SKOR2: variants seen among roughly 807,000 people sequenced by gnomAD.
SKOR2 encodes the protein LBX1 corepressor 1-like protein.
In SKOR2, 47 loss-of-function variants were observed where a neutral mutation model predicts 69.1. That is an observed-to-expected ratio of 0.68 (90% CI 0.54 to 0.87). SKOR2 has a LOEUF of 0.87. SKOR2 is among the 40% of genes least tolerant of loss of function. SKOR2 has a pLI of 0.00. For synonymous variants in SKOR2, 717 were observed against 672.6 expected, an observed-to-expected ratio of 1.07 and a Z score of -1.02; for missense variants, 1,404 against 1,472.2, an observed-to-expected ratio of 0.95 and a Z score of 0.76.
At position 47,247,046 on chromosome 18, in the gene SKOR2, T is replaced by TGGTGCG; in HGVS notation, c.2132_2137dup (p.Pro711_His712dup). 7.1e-7 allele frequency: 1 copy of TGGTGCG among 1,400,944 alleles called. No homozygotes were observed. Among genetic ancestry groups the TGGTGCG allele is most frequent in the South Asian group, 1.3e-5 (1 of 76,474 alleles). The allele number at this position is 1,400,944 out of a possible 1,614,324, so 86.8% of individuals were successfully genotyped here. A position where few individuals can be genotyped will look rare whatever the true frequency, so the allele number is the denominator to read the frequency against. ...TCCCCCGGGAGACAGAAGGCCTCGG[T>TGGTGCG]GGTGCGGGTGCTGGGCCAGAGGGGG... On this transcript the variant is annotated inframe_insertion, in exon 2 of 9. Transcript: ENST00000425639. This position sits in a 1 kb window ranked among gnomAD's most constrained non-coding sequence, Gnocchi z 6.6.
At chr18:47,223,944 C>T (rs760686780) in intron 6 of SKOR2, among the ~76,000 whole-genome samples, 5 of 151,206 alleles carry the variant, frequency 3.3e-5, no homozygotes, top group Admixed American at 2.0e-4. Context: ...CTCACTCTGT[C>T]GCCCAGGCTG....
rs754286616 is a variant in SKOR2, at chr18:47,230,944, T to C, written c.2809A>G (p.Met937Val). The part of the protein sequence containing the change: ...PHSLKKDVEN[M>V]GKEELQKVLF... ...TGAAACTTTCATTTACCTTTCCCCA[T>C]ATTTTCTACATCCTTTTTCAGTGAA... is the stretch of plus-strand genomic sequence containing the variant. Residue 937 changes from methionine (M) to valine (V), a missense_variant, in exon 5 of 9, where the codon ATG becomes GTG. Met to Val is a conservative substitution (Grantham distance 21). This residue lies in a region of SKOR2 where 1,266 missense variants were observed against 1,309.9 expected (regional missense o/e 0.97). Coordinates refer to ENST00000425639, the MANE Select transcript of SKOR2 (RefSeq NM_001278063.4). The C allele has an allele frequency of 1.5e-5, 21 of 1,420,068 alleles. No homozygotes were observed. The highest frequency in any genetic ancestry group is 6.4e-5 in the Admixed American group (3 of 47,200). 88.0% of individuals were successfully genotyped at this position (1,420,068 alleles called of 1,614,324 possible). A position where few individuals can be genotyped will look rare whatever the true frequency, so the allele number is the denominator to read the frequency against.
intron 7 of SKOR2, among the ~76,000 whole-genome samples, chr18:47,218,810 T>C (rs575869482): frequency 1.3e-5 from 2 of 152,224 alleles, no homozygotes; most frequent in African/African-American, 4.8e-5. Context: ...AATCCTCTGC[T>C]CCCAAGTGAA....
intron 3 of SKOR2, 96 bp from the exon 4 acceptor site, chr18:47,245,078 T>C (rs1406739473): frequency 1.1e-5 from 10 of 930,658 alleles, no homozygotes; most frequent in Non-Finnish European, 1.3e-5. Flanking sequence ...AGGATGCTAC[T>C]TATTATATCT....
chr18:47,247,159 C>A lies in SKOR2; in HGVS notation c.2025G>T (p.Pro675=), dbSNP rs779322179. 37 of 800,366 alleles carry A rather than the reference C, an allele frequency of 4.6e-5. No individual in the cohort carries two copies. In the South Asian group the frequency reaches 8.1e-4, roughly 18 times the overall value. 49.6% of individuals were successfully genotyped at this position (800,366 alleles called of 1,614,324 possible). A position where few individuals can be genotyped will look rare whatever the true frequency, so the allele number is the denominator to read the frequency against. The change falls in exon 2 of 9, where the codon CCG becomes CCT. Residue 675 remains proline (P), a synonymous_variant. Transcript: ENST00000425639. This position sits in a 1 kb window ranked among gnomAD's most constrained non-coding sequence, Gnocchi z 6.6. Reference sequence around the variant, plus strand: ...CGGGCTGCGGGGGCAGCAGCAGAAGCGGCGACGGCGGCTGCGGGGGGTGGT... The same window carrying A: ...CGGGCTGCGGGGGCAGCAGCAGAAGAGGCGACGGCGGCTGCGGGGGGTGGT... ...HHHHPPQPPS[P]LLLLPPQPDE...
At chr18:47,245,615 T>A in intron 2 of SKOR2, 54 bp from the exon 3 acceptor site, 1 of 1,438,126 alleles carries the variant, frequency 7.0e-7, no homozygotes, top group Non-Finnish European at 9.2e-7. Context: ...AACCATATGC[T>A]AATGTCAACA....
chr18:47,247,078 GGGC>G lies in SKOR2; in HGVS notation c.2103_2105del (p.Pro706del), dbSNP rs753158744. ...GGTGCTGGGCCAGAGGGGGCGGCGG[GGGC>G]GGCGGCGGCGGCGGCGGCGGGGCCG... On this transcript the variant is annotated inframe_deletion, in exon 2 of 9. Coordinates refer to ENST00000425639, the MANE Select transcript of SKOR2 (RefSeq NM_001278063.4). This position sits in a 1 kb window ranked among gnomAD's most constrained non-coding sequence, Gnocchi z 6.6. 3,069 of 1,338,014 alleles carry G rather than the reference GGGC, an allele frequency of 2.3e-3. No homozygotes were observed. The highest frequency in any genetic ancestry group is 8.0e-3 in the South Asian group (450 of 56,134). The allele number at this position is 1,338,014 out of a possible 1,614,324, so 82.9% of individuals were successfully genotyped here.
chr18:47,245,818 T>C (rs934416232), intron 2 of SKOR2, among the ~76,000 whole-genome samples: 1 of 152,138 alleles, frequency 6.6e-6, no homozygotes, highest in Non-Finnish European at 1.5e-5. Flanking sequence ...CATAGGCATA[T>C]GCTTCTGTAA....
chr18:47,210,705 A>G (rs2064125253), intron 8 of SKOR2, among the ~76,000 whole-genome samples: 1 of 152,204 alleles, frequency 6.6e-6, no homozygotes, highest in Non-Finnish European at 1.5e-5. Flanking sequence ...ACTTTAATAT[A>G]TAGAACAGAG....
intron 6 of SKOR2, among the ~76,000 whole-genome samples, chr18:47,226,229 G>A (rs1000820901): frequency 6.6e-6 from 1 of 152,170 alleles, no homozygotes; most frequent in African/African-American, 2.4e-5. Context: ...GGAAAAGAGA[G>A]GAAGAAGAGA....
At chr18:47,230,893 T>G (rs1336465985) in intron 5 of SKOR2, 42 bp downstream of exon 5, 1 of 1,516,658 alleles carries the variant, frequency 6.6e-7, no homozygotes. Flanking sequence ...CACAGTCGTT[T>G]AAAGCTAAGA....
At position 47,245,956 on chromosome 18, in the gene SKOR2, C is replaced by T. The variant is rs117213636; in HGVS notation, c.2614-395G>A. Among the ~76,000 whole-genome samples, 75 of 151,764 alleles carry T rather than the reference C, an allele frequency of 4.9e-4. No homozygotes were observed. The East Asian group carries it at 0.014, about 28-fold the overall frequency. ...TGAATGTTCAGTCATTTAAATTTAA[C>T]TTTGGTCTTTTAGGGGTCCCAGGTA... On this transcript the variant is annotated intron_variant, in intron 2 of 8. Coordinates refer to ENST00000425639, the MANE Select transcript of SKOR2 (RefSeq NM_001278063.4).
Position 47,247,298 on chromosome 18 carries a change from C to G in SKOR2, c.1886G>C (p.Gly629Ala). 6.7e-7 allele frequency: 1 copy of G among 1,482,512 alleles called. No homozygotes were observed. The highest frequency in any genetic ancestry group is 8.9e-7 in the Non-Finnish European group (1 of 1,122,380). 91.8% of individuals were successfully genotyped at this position (1,482,512 alleles called of 1,614,324 possible). The change falls in exon 2 of 9, where the codon GGC (glycine) becomes GCC (alanine). Residue 629 changes from glycine to alanine, a missense_variant. By Grantham distance (60) the Gly-to-Ala change is moderately conservative. Transcript: ENST00000425639. This position sits in a 1 kb window ranked among gnomAD's most constrained non-coding sequence, Gnocchi z 6.6. ...HHSSAFRPVG[G>A]KDDAESLAKL... is the part of the protein sequence containing the mutation. Reference sequence around the variant, plus strand: ...GGCCAGGCTCTCCGCGTCGTCCTTGCCGCCCACTGGCCGGAAGGCGCTGGA... The same window carrying G: ...GGCCAGGCTCTCCGCGTCGTCCTTGGCGCCCACTGGCCGGAAGGCGCTGGA...
chr18:47,247,168 C>T lies in SKOR2; in HGVS notation c.2016G>A (p.Pro672=), dbSNP rs2064281030. The T allele has an allele frequency of 8.1e-6, 5 of 617,924 alleles. No homozygotes were observed. In the Admixed American group the frequency reaches 3.2e-4, roughly 40 times the overall value. 38.3% of individuals were successfully genotyped at this position (617,924 alleles called of 1,614,324 possible). ...GGGGCAGCAGCAGAAGCGGCGACGG[C>T]GGCTGCGGGGGGTGGTGGTGGTGGT... ...HHHHHHHPPQ[P]PSPLLLLPPQ... The change falls in exon 2 of 9, where the codon CCG becomes CCA. Residue 672 remains proline, a synonymous_variant. Coordinates refer to ENST00000425639, the MANE Select transcript of SKOR2 (RefSeq NM_001278063.4). This position sits in a 1 kb window ranked among gnomAD's most constrained non-coding sequence, Gnocchi z 6.6.
intron 7 of SKOR2, among the ~76,000 whole-genome samples, chr18:47,214,917 T>G (rs777299022): frequency 2.0e-5 from 3 of 151,642 alleles, no homozygotes; most frequent in Non-Finnish European, 2.9e-5. Context: ...GAGATTGGCA[T>G]GGAGAAAAAA....
intron 1 of SKOR2, 82 bp from the exon 2 acceptor site, chr18:47,249,312 T>G: frequency 8.1e-7 from 1 of 1,232,440 alleles, no homozygotes; most frequent in Non-Finnish European, 1.1e-6. Context: ...ACCAAAGAAT[T>G]AGAATAACTT....
chr18:47,234,077 A>C lies in SKOR2; in HGVS notation c.2753-3077T>G, dbSNP rs1306857990. The stretch of plus-strand genomic sequence containing the variant: ...CTTACAAAGGGTTTTTAAAATGGCT[A>C]AATGTTAGGTAAATAAAAAGCACAG... On this transcript the variant is annotated intron_variant, in intron 4 of 8. Coordinates refer to ENST00000425639, the MANE Select transcript of SKOR2 (RefSeq NM_001278063.4). 2.0e-5 allele frequency among the ~76,000 whole-genome samples: 3 copies of C among 152,326 alleles called. No individual in the cohort carries two copies. In the East Asian group the frequency reaches 5.8e-4, roughly 29 times the overall value.
intron 4 of SKOR2, 152 bp from the exon 5 acceptor site, chr18:47,231,152 G>T (rs551234905): frequency 2.0e-6 from 3 of 1,535,770 alleles, no homozygotes; most frequent in East Asian, 2.5e-5. Flanking sequence ...TCATTTATTC[G>T]CATATAATCC....
intron 4 of SKOR2, among the ~76,000 whole-genome samples, chr18:47,237,278 A>C (rs2064228170): frequency 6.6e-6 from 1 of 152,258 alleles, no homozygotes; most frequent in Admixed American, 6.5e-5. Context: ...TTTTGTTCTC[A>C]TCTGACATTT....
Sources: gnomAD v4.1 joint callset for allele counts (sites outside exome capture counted in the v4.1 genomes callset) on GRCh38, gnomAD v4.1.1 for gene constraint, gnomAD v4.1.1 regional missense constraint, Gnocchi (gnomAD v3.1) non-coding constraint, MANE v1.5 for transcripts, NCBI Gene and HGNC (gene_info 2026-07-23, HGNC 2026-07-21) for gene names.